The following TCF4 variants were observed in gnomAD, a reference collection of about 807,000 sequenced individuals.
The protein encoded by TCF4 is SL3-3 enhancer factor 2.
In TCF4, 3 loss-of-function variants were observed where a neutral mutation model predicts 82.1. The ratio of observed to expected loss-of-function variants is 0.04; its 90% CI spans 0.02 to 0.09. The LOEUF is 0.09. Ranked by LOEUF, TCF4 falls within the 10% of genes least tolerant of loss-of-function variation. The pLI, the probability that TCF4 is intolerant of heterozygous loss-of-function variation, is 1.00. For missense variants in TCF4, 518 were observed against 852.7 expected (o/e 0.61, Z 4.89); for synonymous variants, 276 against 309.6 (o/e 0.89, Z 1.14).
intron 15 of TCF4, among the ~76,000 whole-genome samples, chr18:55,250,951 T>C: frequency 6.6e-6 from 1 of 152,156 alleles, no homozygotes; most frequent in East Asian, 1.9e-4. Flanking sequence ...GAAGGCTTCC[T>C]GGAAGAAGAA....
chr18:55,268,985 G>A (rs909145214), intron 11 of TCF4: 3 of 152,220 alleles, frequency 2.0e-5, no homozygotes, highest in African/African-American at 7.2e-5. Flanking sequence ...ACAACAAGGT[G>A]TCAAAGCTGG....
At chr18:55,390,970 T>G (rs1465801685) in intron 6 of TCF4, among the ~76,000 whole-genome samples, 1 of 151,976 alleles carries the variant, frequency 6.6e-6, no homozygotes. Flanking sequence ...TAGTTGGGAG[T>G]AGCATTCTGG....
intron 2 of TCF4, 82 bp from the exon 3 acceptor site, chr18:55,585,434 C>T (rs1203888643): frequency 8.0e-7 from 1 of 1,254,244 alleles, no homozygotes. Context: ...CATACTGTTA[C>T]CAAACAGCTT....
chr18:55,571,988 T>C (rs932886829), intron 3 of TCF4, among the ~76,000 whole-genome samples: 1 of 151,984 alleles, frequency 6.6e-6, no homozygotes, highest in African/African-American at 2.4e-5. Context: ...AAAGCATCCC[T>C]GGATGCTGAG....
At chr18:55,616,395 T>G (rs916201423) in intron 2 of TCF4, among the ~76,000 whole-genome samples, 1 of 152,122 alleles carries the variant, frequency 6.6e-6, no homozygotes, top group Non-Finnish European at 1.5e-5. Context: ...TGTTTGGATG[T>G]GTTGGCTATG....
chr18:55,227,213 C>G lies in TCF4; in HGVS notation c.*822G>C. On this transcript the variant is annotated 3_prime_UTR_variant, in exon 20 of 20. Transcript: ENST00000354452. Reference sequence around the variant, plus strand: ...GAAGCAGAGTTGGCACTACAGGTTACGATAACAAACCAGGGAAAGGGACAG... The same window carrying G: ...GAAGCAGAGTTGGCACTACAGGTTAGGATAACAAACCAGGGAAAGGGACAG... The G allele has an allele frequency of 1.4e-5, 2 of 146,120 alleles. No homozygotes were observed. Among genetic ancestry groups the G allele is most frequent in the Middle Eastern group, 3.6e-3 (1 of 276 alleles). 9.1% of individuals were successfully genotyped at this position (146,120 alleles called of 1,614,324 possible). A position where few individuals can be genotyped will look rare whatever the true frequency, so the allele number is the denominator to read the frequency against.
intron 8 of TCF4, among the ~76,000 whole-genome samples, chr18:55,289,263 C>G (rs909566838): frequency 6.6e-6 from 1 of 152,158 alleles, no homozygotes; most frequent in Non-Finnish European, 1.5e-5. Flanking sequence ...TTACCAGGCT[C>G]AGGGTTGGCA....
intron 6 of TCF4, among the ~76,000 whole-genome samples, chr18:55,369,296 T>A (rs796556947): frequency 6.6e-6 from 1 of 152,314 alleles, no homozygotes; most frequent in African/African-American, 2.4e-5. Flanking sequence ...AATCTACTGA[T>A]TCCTTTAAGA....
At chr18:55,360,435 T>C (rs1206429061) in intron 6 of TCF4, among the ~76,000 whole-genome samples, 1 of 152,176 alleles carries the variant, frequency 6.6e-6, no homozygotes, top group African/African-American at 2.4e-5. Flanking sequence ...ATGCATCAAT[T>C]TGAACTCTTC....
chr18:55,430,730 A>G (rs2095165125), intron 5 of TCF4, among the ~76,000 whole-genome samples: 1 of 152,210 alleles, frequency 6.6e-6, no homozygotes. Context: ...TTAAAAGACA[A>G]AACGAACAGG....
intron 3 of TCF4, among the ~76,000 whole-genome samples, chr18:55,491,722 C>T (rs1056275798): frequency 6.6e-5 from 10 of 152,332 alleles, no homozygotes; most frequent in African/African-American, 2.2e-4. Context: ...GCTCCGTTTA[C>T]ACCTTGATGT....
chr18:55,370,458 T>C (rs537613318), intron 6 of TCF4, among the ~76,000 whole-genome samples: 4 of 151,672 alleles, frequency 2.6e-5, no homozygotes, highest in South Asian at 2.1e-4. Flanking sequence ...GATAGATAGA[T>C]AGATAGATAG....
chr18:55,297,202 A>G (rs2066785506), intron 8 of TCF4, among the ~76,000 whole-genome samples: 1 of 141,726 alleles, frequency 7.1e-6, no homozygotes, highest in Admixed American at 7.0e-5. Context: ...ATGATTTCCA[A>G]ATAGAAAAAA....
chr18:55,580,742 ATGTGTGTG>A (rs5825144), intron 3 of TCF4, among the ~76,000 whole-genome samples: 5 of 145,284 alleles, frequency 3.4e-5, no homozygotes, highest in African/African-American at 1.0e-4. Flanking sequence ...GAGCTGTCTG[ATGTGTGTG>A]TGTGTGTGTG....
chr18:55,561,623 T>C (rs2097355870), intron 3 of TCF4, among the ~76,000 whole-genome samples: 1 of 152,240 alleles, frequency 6.6e-6, no homozygotes, highest in Non-Finnish European at 1.5e-5. Context: ...CTATTCCTTA[T>C]AAAATGTATT....
intron 1 of TCF4, among the ~76,000 whole-genome samples, chr18:55,634,043 C>T (rs560924631): frequency 6.6e-6 from 1 of 152,116 alleles, no homozygotes. Context: ...CCAAGGCGGG[C>T]GGGTCACCTG....
intron 8 of TCF4, among the ~76,000 whole-genome samples, chr18:55,308,393 T>G (rs1378843489): frequency 1.3e-5 from 2 of 152,194 alleles, no homozygotes; most frequent in Non-Finnish European, 2.9e-5. Context: ...AATTTAACTT[T>G]TGATAAAATA....
chr18:55,444,678 G>C (rs757767283), intron 5 of TCF4, among the ~76,000 whole-genome samples: 1 of 152,054 alleles, frequency 6.6e-6, no homozygotes, highest in Non-Finnish European at 1.5e-5. Context: ...TCTCTCTCTG[G>C]GGAACTTATC....
chr18:55,476,332 G>A (rs1000730383), intron 3 of TCF4, among the ~76,000 whole-genome samples: 22 of 152,170 alleles, frequency 1.4e-4, no homozygotes, highest in Admixed American at 1.4e-3. Context: ...AAAAAAGACT[G>A]TGAGAGGAAC....
Sources: allele counts gnomAD v4.1 joint callset (sites outside exome capture counted in the v4.1 genomes callset), GRCh38; gene constraint gnomAD v4.1.1; transcripts MANE v1.5; gene names NCBI Gene and HGNC (gene_info 2026-07-23, HGNC 2026-07-21).